Variants in GHR observed in about 807,000 individuals in gnomAD.
The protein encoded by GHR is GH receptor.
In GHR, 35 loss-of-function variants were observed where a neutral mutation model predicts 67.1. The ratio of observed to expected loss-of-function variants is 0.52; its 90% CI spans 0.40 to 0.69. GHR has a LOEUF of 0.69. Among genes scored for constraint, GHR ranks in the 30% least tolerant of loss-of-function variants. The pLI is 0.00. For synonymous variants in GHR, 272 were observed against 269.1 expected, an observed-to-expected ratio of 1.01 and a Z score of -0.10; for missense variants, 792 against 764.6, an observed-to-expected ratio of 1.04 and a Z score of -0.42.
At chr5:42,494,174 AG>A (rs1387251837) in intron 1 of GHR, among the ~76,000 whole-genome samples, 6 of 152,284 alleles carry the variant, frequency 3.9e-5, no homozygotes, top group African/African-American at 1.4e-4. Context: ...CAGAAACTAA[AG>A]GGAACACCAG....
At chr5:42,517,202 A>G (rs1747276831) in intron 1 of GHR, among the ~76,000 whole-genome samples, 1 of 152,218 alleles carries the variant, frequency 6.6e-6, no homozygotes, top group Non-Finnish European at 1.5e-5. Flanking sequence ...CAATGGACTA[A>G]TTGGAGGGTT....
At chr5:42,660,331 C>T (rs1279681557) in intron 3 of GHR, among the ~76,000 whole-genome samples, 1 of 152,138 alleles carries the variant, frequency 6.6e-6, no homozygotes, top group Non-Finnish European at 1.5e-5. Context: ...GACCCCTGAC[C>T]CCTGAGCAGC....
chr5:42,601,318 A>G (rs1054007642), intron 2 of GHR, among the ~76,000 whole-genome samples: 2 of 152,038 alleles, frequency 1.3e-5, no homozygotes, highest in Non-Finnish European at 2.9e-5. Context: ...CTATAACTCT[A>G]TTTTGCTTAG....
At chr5:42,545,973 G>C (rs1002526104) in intron 1 of GHR, among the ~76,000 whole-genome samples, 1 of 152,042 alleles carries the variant, frequency 6.6e-6, no homozygotes, top group Non-Finnish European at 1.5e-5. Context: ...AAAACTATTC[G>C]TAAGTTCTAA....
At chr5:42,432,578 A>G (rs1337403096) in intron 1 of GHR, among the ~76,000 whole-genome samples, 1 of 152,190 alleles carries the variant, frequency 6.6e-6, no homozygotes, top group African/African-American at 2.4e-5. Flanking sequence ...AAGTTGGCCA[A>G]ACTAATGAAG....
intron 1 of GHR, among the ~76,000 whole-genome samples, chr5:42,510,644 C>T (rs1246352554): frequency 2.0e-5 from 3 of 152,188 alleles, no homozygotes; most frequent in Admixed American, 6.5e-5. Flanking sequence ...GGAAGGCAGG[C>T]AGCTCAGATT....
At chr5:42,455,854 A>G (rs2972407) in intron 1 of GHR, among the ~76,000 whole-genome samples, 32,979 of 152,156 alleles carry the variant, frequency 0.22, 3,911 homozygotes, top group African/African-American at 0.29. Context: ...AACATGTTGG[A>G]ATAAGAAGTC....
At chr5:42,662,902 A>G (rs1755727870) in intron 3 of GHR, among the ~76,000 whole-genome samples, 1 of 152,232 alleles carries the variant, frequency 6.6e-6, no homozygotes, top group Non-Finnish European at 1.5e-5. Flanking sequence ...ATAAAAAATG[A>G]TAAAGAGGAT....
At chr5:42,565,604 G>A (rs1200182990) in intron 1 of GHR, 1 of 985,230 alleles carries the variant, frequency 1.0e-6, no homozygotes, top group African/African-American at 1.7e-5. Context: ...ATGGCTTTGA[G>A]CCAGGGTATG....
At position 42,718,075 on chromosome 5, in the gene GHR, C is replaced by T. The variant is rs370950215; in HGVS notation, c.899C>T (p.Pro300Leu). 2.6e-5 allele frequency: 41 copies of T among 1,590,598 alleles called. No homozygotes were observed. The highest frequency in any genetic ancestry group is 3.5e-5 in the Non-Finnish European group (41 of 1,159,182). ...QQRIKMLILP[P>L]VPVPKIKGID... ...AGGATTAAAATGCTGATTCTGCCCCCAGTTCCAGTTCCAAAGATTAAAGGA... is the reference window on the plus strand; with the variant it reads ...AGGATTAAAATGCTGATTCTGCCCCTAGTTCCAGTTCCAAAGATTAAAGGA... The change falls in exon 9 of 10, where the codon CCA becomes CTA. Residue 300 changes from proline to leucine, a missense_variant. Physicochemically the swap from Pro to Leu is moderately conservative, Grantham distance 98. Transcript: ENST00000230882.
chr5:42,431,147 AT>A (rs764293879), intron 1 of GHR, among the ~76,000 whole-genome samples: 46 of 152,166 alleles, frequency 3.0e-4, no homozygotes, highest in Admixed American at 1.8e-3. Context: ...GCATCAAAAA[AT>A]GTTTGCCTAT....
At chr5:42,438,085 G>C (rs1176436803) in intron 1 of GHR, among the ~76,000 whole-genome samples, 1 of 152,096 alleles carries the variant, frequency 6.6e-6, no homozygotes, top group Non-Finnish European at 1.5e-5. Context: ...TCTACTTGTG[G>C]ACACTCAATT....
intron 2 of GHR, among the ~76,000 whole-genome samples, chr5:42,576,138 T>TAAAATAAAATA (rs1750724333): frequency 1.1e-5 from 1 of 92,846 alleles, no homozygotes; most frequent in African/African-American, 4.6e-5. Flanking sequence ...TAAAATAAAA[T>TAAAATAAAATA]AAAATAGTAA....
At chr5:42,446,590 C>T (rs1174486865) in intron 1 of GHR, among the ~76,000 whole-genome samples, 1 of 152,154 alleles carries the variant, frequency 6.6e-6, no homozygotes, top group Non-Finnish European at 1.5e-5. Context: ...ACAACTTACA[C>T]TATAAAGTAT....
At chr5:42,611,028 A>C (rs1386567536) in intron 2 of GHR, among the ~76,000 whole-genome samples, 7 of 152,194 alleles carry the variant, frequency 4.6e-5, no homozygotes, top group African/African-American at 1.7e-4. Context: ...TGCTGGAAGA[A>C]TTTGAAGATA....
intron 6 of GHR, among the ~76,000 whole-genome samples, chr5:42,700,472 G>A (rs1757881960): frequency 6.6e-6 from 1 of 152,096 alleles, no homozygotes; most frequent in South Asian, 2.1e-4. Context: ...GTTTCAGAAG[G>A]ATGTTTTGTT....
intron 3 of GHR, among the ~76,000 whole-genome samples, chr5:42,683,849 A>G (rs764827279): frequency 4.6e-5 from 7 of 152,262 alleles, no homozygotes; most frequent in African/African-American, 1.4e-4. Flanking sequence ...CTTATTTACA[A>G]TGAGAAGGTA....
At chr5:42,569,559 T>C (rs1015694906) in intron 2 of GHR, among the ~76,000 whole-genome samples, 11 of 152,098 alleles carry the variant, frequency 7.2e-5, no homozygotes, top group African/African-American at 2.7e-4. Flanking sequence ...TCCTCAATAT[T>C]GGAGGCCAGA....
chr5:42,718,187 T>A, intron 9 of GHR, 66 bp downstream of exon 9: 1 of 878,498 alleles, frequency 1.1e-6, no homozygotes, highest in Non-Finnish European at 2.0e-6. Context: ...CTGTCATATG[T>A]TGAAGGTTTT....
Sources: gnomAD v4.1 joint callset for allele counts (sites outside exome capture counted in the v4.1 genomes callset) on GRCh38, gnomAD v4.1.1 for gene constraint, MANE v1.5 for transcripts, NCBI Gene and HGNC (gene_info 2026-07-23, HGNC 2026-07-21) for gene names.